The following DCLK1 variants were observed in gnomAD, a reference collection of about 807,000 sequenced individuals.
The protein encoded by DCLK1 is doublecortin like kinase 1.
In DCLK1, 16 loss-of-function variants were observed where a neutral mutation model predicts 86.2. The ratio of observed to expected loss-of-function variants is 0.19; its 90% CI spans 0.13 to 0.28. The LOEUF (loss-of-function observed/expected upper bound fraction) is 0.28, where lower values mean the gene tolerates loss of function less well. Among genes scored for constraint, DCLK1 ranks in the 10% least tolerant of loss-of-function variants. DCLK1 has a pLI of 1.00. For synonymous variants in DCLK1, 369 were observed against 370.5 expected (o/e 1.00, Z 0.05); for missense variants, 590 against 940.2 (o/e 0.63, Z 4.87).
intron 8 of DCLK1, among the ~76,000 whole-genome samples, chr13:35,831,218 C>T (rs1868934112): frequency 1.3e-5 from 2 of 152,152 alleles, no homozygotes; most frequent in Admixed American, 1.3e-4. Context: ...CAGAGGACCA[C>T]CAAATTAATG....
chr13:36,074,983 A>G (rs1044576700), intron 3 of DCLK1, among the ~76,000 whole-genome samples: 7 of 152,272 alleles, frequency 4.6e-5, no homozygotes, highest in Non-Finnish European at 1.5e-5. Flanking sequence ...TACCATTGCT[A>G]CTGAATTTCT....
intron 3 of DCLK1, among the ~76,000 whole-genome samples, chr13:35,973,472 G>A (rs1879168652): frequency 6.6e-6 from 1 of 152,000 alleles, no homozygotes; most frequent in African/African-American, 2.4e-5. Context: ...CCTCCTATAG[G>A]GCCCACTGGG....
At chr13:35,858,168 T>G (rs1871180788) in intron 5 of DCLK1, among the ~76,000 whole-genome samples, 1 of 151,934 alleles carries the variant, frequency 6.6e-6, no homozygotes, top group Non-Finnish European at 1.5e-5. Flanking sequence ...TGGGGCACAT[T>G]TAAGGGTCCT....
At chr13:36,091,125 A>G (rs973107401) in intron 3 of DCLK1, among the ~76,000 whole-genome samples, 2 of 152,028 alleles carry the variant, frequency 1.3e-5, no homozygotes, top group African/African-American at 2.4e-5. Context: ...ATTTTCTCCC[A>G]TTCTGTTGGT....
At chr13:36,113,162 C>T (rs78910110) in intron 2 of DCLK1, among the ~76,000 whole-genome samples, 2,375 of 152,240 alleles carry the variant, frequency 0.016, 21 homozygotes, top group Non-Finnish European at 0.026. Flanking sequence ...GGTAAAATGA[C>T]CGAGGCCTAA....
intron 3 of DCLK1, among the ~76,000 whole-genome samples, chr13:35,977,583 T>C (rs1452371376): frequency 6.7e-6 from 1 of 150,036 alleles, no homozygotes; most frequent in Non-Finnish European, 1.5e-5. Flanking sequence ...CTGATGGGTC[T>C]AATGGGCTAT....
intron 3 of DCLK1, among the ~76,000 whole-genome samples, chr13:36,061,154 T>G (rs1043319245): frequency 1.3e-5 from 2 of 151,940 alleles, no homozygotes; most frequent in Non-Finnish European, 2.9e-5. Context: ...TGGATAGAAT[T>G]CTTAAAACTG....
intron 11 of DCLK1, among the ~76,000 whole-genome samples, chr13:35,812,877 C>T (rs148142002): frequency 4.0e-4 from 61 of 152,248 alleles, no homozygotes; most frequent in East Asian, 7.7e-4. Flanking sequence ...TCATCTGGGA[C>T]GGACATTTTC....
rs768028959 is a variant in DCLK1, at chr13:35,810,988, C to T, written c.1555-20G>A. On this transcript the variant is annotated intron_variant, in intron 11 of 16. Transcript: ENST00000360631. ...ATACACCTAAAACAAAGGTAAAAAT[C>T]ACAATTGTCTGAAAACCAAGAGCTC... 39 of 1,612,644 alleles carry T rather than the reference C, an allele frequency of 2.4e-5. No homozygotes were observed. The South Asian group carries it at 4.0e-4, about 16-fold the overall frequency.
chr13:36,114,906 G>T (rs941330117), intron 2 of DCLK1, among the ~76,000 whole-genome samples: 1 of 152,182 alleles, frequency 6.6e-6, no homozygotes, highest in African/African-American at 2.4e-5. Flanking sequence ...TCCTTAGTGT[G>T]ACTGAGAGTT....
Position 36,125,877 on chromosome 13 carries a change from C to G in DCLK1, c.261G>C (p.Leu87=). ...ACAGAGTTCGGGTCAAATCAGCCAG[C>G]AGGGCCTCAAAAGATCGGAACCGGT... is the stretch of plus-strand genomic sequence containing the variant. The part of the protein sequence containing the change: ...SPDRFRSFEA[L]LADLTRTLSD... The change falls in exon 2 of 17, where the codon CTG becomes CTC. Residue 87 remains leucine (L), a synonymous_variant. Transcript: ENST00000360631. 2 of 1,614,198 alleles carry G rather than the reference C, an allele frequency of 1.2e-6. No homozygotes were observed. Among genetic ancestry groups the G allele is most frequent in the Non-Finnish European group, 1.7e-6 (2 of 1,180,046 alleles).
At chr13:36,126,288 A>G in intron 1 of DCLK1, 132 bp from the exon 2 acceptor site, 2 of 673,688 alleles carry the variant, frequency 3.0e-6, no homozygotes, top group South Asian at 4.9e-5. Context: ...GTGAGATGGC[A>G]CTCACTGAAG....
At chr13:36,065,319 AT>A (rs1883708456) in intron 3 of DCLK1, among the ~76,000 whole-genome samples, 3 of 152,352 alleles carry the variant, frequency 2.0e-5, no homozygotes, top group Non-Finnish European at 4.4e-5. Flanking sequence ...TGGGCACAGA[AT>A]AAGGACTCTG....
intron 2 of DCLK1, among the ~76,000 whole-genome samples, chr13:36,113,074 G>GTAATGGC (rs1885669800): frequency 6.6e-6 from 1 of 152,174 alleles, no homozygotes; most frequent in Non-Finnish European, 1.5e-5. Flanking sequence ...TAAAGATTTT[G>GTAATGGC]TAATGGCTTT....
intron 3 of DCLK1, among the ~76,000 whole-genome samples, chr13:36,090,279 A>G (rs1435328772): frequency 2.0e-5 from 3 of 152,352 alleles, no homozygotes; most frequent in Non-Finnish European, 4.4e-5. Context: ...CTACAGTCCG[A>G]TAAGGACGCA....
At chr13:35,971,217 T>C (rs907133449) in intron 3 of DCLK1, among the ~76,000 whole-genome samples, 1 of 152,174 alleles carries the variant, frequency 6.6e-6, no homozygotes, top group African/African-American at 2.4e-5. Context: ...TCTTGAATAA[T>C]TTTTGCCAAT....
chr13:35,953,673 G>A (rs2153134883), intron 3 of DCLK1, among the ~76,000 whole-genome samples: 1 of 152,312 alleles, frequency 6.6e-6, no homozygotes, highest in East Asian at 1.9e-4. Flanking sequence ...TGCAAGGGCA[G>A]AGATTCAAAC....
intron 4 of DCLK1, among the ~76,000 whole-genome samples, chr13:35,934,647 T>C (rs1439488604): frequency 6.6e-6 from 1 of 152,104 alleles, no homozygotes; most frequent in Non-Finnish European, 1.5e-5. Context: ...TCCCACAACA[T>C]GTGGGAATTA....
At chr13:35,839,067 A>T in intron 7 of DCLK1, 25 bp downstream of exon 7, 1 of 1,579,830 alleles carries the variant, frequency 6.3e-7, no homozygotes, top group Non-Finnish European at 8.6e-7. Flanking sequence ...CTGCCTCCTC[A>T]GATACCAAGT....
Sources: allele counts gnomAD v4.1 joint callset (sites outside exome capture counted in the v4.1 genomes callset), GRCh38; gene constraint gnomAD v4.1.1; transcripts MANE v1.5; gene names NCBI Gene and HGNC (gene_info 2026-07-23, HGNC 2026-07-21).